MAOB: variants seen among roughly 807,000 people sequenced by gnomAD.
The protein encoded by MAOB is amine oxidase [flavin-containing] B.
Under a neutral mutation model 41.9 loss-of-function variants are expected in MAOB, and 15 were observed. That is an observed-to-expected ratio of 0.36 (90% confidence interval 0.24 to 0.55). The LOEUF (loss-of-function observed/expected upper bound fraction) is 0.55. MAOB is among the 20% of genes least tolerant of loss of function. MAOB has a pLI of 0.86. For missense variants in MAOB, 345 were observed against 398.7 expected (o/e 0.87, Z 1.15); for synonymous variants, 167 against 144.2 (o/e 1.16, Z -1.13).
chrX:43,776,109 C>T (rs1008273047), intron 11 of MAOB, among the ~76,000 whole-genome samples: 1 of 112,162 alleles, frequency 8.9e-6, no homozygotes, highest in Non-Finnish European at 1.9e-5. Context: ...CCACGCTACA[C>T]GCCCCAGCAC....
rs1555968517 is a variant in MAOB, at chrX:43,857,168, A to AAGAAGAG, written c.47-13405_47-13404insCTCTTCT. ...AGAGAGAGAGAGAGAGAGAGAGAAG[A>AAGAAGAG]AGAGAGAGAGAGAGAGAGAGAGAGA... On this transcript the variant is annotated intron_variant, in intron 1 of 14. Transcript: ENST00000378069. 4.8e-4 allele frequency among the ~76,000 whole-genome samples: 12 copies of AAGAAGAG among 24,867 alleles called. No homozygotes were observed. The South Asian group carries it at 0.03, about 62-fold the overall frequency. 21.6% of individuals were successfully genotyped at this position (24,867 alleles called of 115,157 possible).
At chrX:43,862,855 C>A (rs1473161338) in intron 1 of MAOB, among the ~76,000 whole-genome samples, 1 of 110,898 alleles carries the variant, frequency 9.0e-6, no homozygotes, top group Non-Finnish European at 1.9e-5. Flanking sequence ...AACCACAAGT[C>A]AAAAAAATGA....
intron 3 of MAOB, among the ~76,000 whole-genome samples, chrX:43,814,218 C>T: frequency 9.0e-6 from 1 of 110,738 alleles, no homozygotes; most frequent in Non-Finnish European, 1.9e-5. Context: ...AATTCAAGCT[C>T]CTGTGCCTGG....
intron 5 of MAOB, among the ~76,000 whole-genome samples, chrX:43,801,859 A>G (rs879112464): frequency 8.9e-6 from 1 of 112,816 alleles, no homozygotes; most frequent in Non-Finnish European, 1.9e-5. Context: ...TATATCAACA[A>G]CTTAATAAAT....
At chrX:43,847,927 G>T (rs2035220024) in intron 1 of MAOB, among the ~76,000 whole-genome samples, 1 of 111,905 alleles carries the variant, frequency 8.9e-6, no homozygotes, top group African/African-American at 3.3e-5. Context: ...CACAAATAAT[G>T]GTAGACTAAT....
chrX:43,771,134 A>G (rs2034176938), intron 12 of MAOB, among the ~76,000 whole-genome samples: 1 of 111,920 alleles, frequency 8.9e-6, no homozygotes, highest in Non-Finnish European at 1.9e-5. Flanking sequence ...ACAAGGAGAG[A>G]TATTATATAG....
At chrX:43,788,990 T>G (rs2034432824) in intron 8 of MAOB, among the ~76,000 whole-genome samples, 1 of 111,363 alleles carries the variant, frequency 9.0e-6, no homozygotes, top group South Asian at 3.8e-4. Flanking sequence ...CTTTTCAGAT[T>G]TTGGAATTCT....
chrX:43,841,888 T>C (rs995398396), intron 2 of MAOB, among the ~76,000 whole-genome samples: 3 of 111,800 alleles, frequency 2.7e-5, no homozygotes, highest in Non-Finnish European at 5.6e-5. Flanking sequence ...CCTTATCTTA[T>C]ACCATATGCA....
At chrX:43,847,971 C>G in intron 1 of MAOB, among the ~76,000 whole-genome samples, 1 of 112,519 alleles carries the variant, frequency 8.9e-6, no homozygotes, top group East Asian at 2.8e-4. Flanking sequence ...AATATTGCAT[C>G]TCTCTTCTGA....
intron 1 of MAOB, among the ~76,000 whole-genome samples, chrX:43,848,155 A>G (rs2035222946): frequency 9.0e-6 from 1 of 111,491 alleles, no homozygotes; most frequent in Admixed American, 9.6e-5. Flanking sequence ...ACTGGGAAAT[A>G]CACAGTGGCA....
intron 1 of MAOB, among the ~76,000 whole-genome samples, chrX:43,852,220 A>T (rs1007521062): frequency 3.6e-5 from 4 of 112,156 alleles, no homozygotes; most frequent in African/African-American, 1.3e-4. Context: ...CTGAGATTTC[A>T]TTACAGAGGT....
At chrX:43,769,862 T>C (rs2034159465) in intron 12 of MAOB, among the ~76,000 whole-genome samples, 1 of 111,556 alleles carries the variant, frequency 9.0e-6, no homozygotes, top group Non-Finnish European at 1.9e-5. Context: ...AAGGGAATGG[T>C]CCACTGATTT....
chrX:43,790,925 A>G (rs1386667740), intron 8 of MAOB, among the ~76,000 whole-genome samples: 1 of 111,709 alleles, frequency 9.0e-6, no homozygotes, highest in Non-Finnish European at 1.9e-5. Flanking sequence ...GTTTCTCTCC[A>G]TAAATAAAGG....
intron 5 of MAOB, among the ~76,000 whole-genome samples, chrX:43,801,011 G>A (rs1041687808): frequency 4.6e-5 from 5 of 109,786 alleles, no homozygotes; most frequent in African/African-American, 9.9e-5. Context: ...TGATTCTGCC[G>A]ATCTTCTACT....
At chrX:43,815,723 T>C (rs894094450) in intron 3 of MAOB, among the ~76,000 whole-genome samples, 1 of 111,855 alleles carries the variant, frequency 8.9e-6, no homozygotes, top group African/African-American at 3.3e-5. Context: ...ACACCAAGTG[T>C]TGGTGAAGTA....
At chrX:43,770,283 G>T (rs948532898) in intron 12 of MAOB, among the ~76,000 whole-genome samples, 4 of 111,537 alleles carry the variant, frequency 3.6e-5, no homozygotes, top group Admixed American at 9.5e-5. Context: ...TCTAGTTCTG[G>T]AACTTCCTCT....
At chrX:43,768,768 C>G in intron 13 of MAOB, 52 bp from the exon 14 acceptor site, 3 of 1,004,372 alleles carry the variant, frequency 3.0e-6, no homozygotes. Flanking sequence ...CATCTTTCTT[C>G]TAATCTGCTC....
intron 3 of MAOB, among the ~76,000 whole-genome samples, chrX:43,822,872 A>G (rs2205655): frequency 0.013 from 1,420 of 111,297 alleles, 14 homozygotes; most frequent in Middle Eastern, 0.023. Flanking sequence ...CAGTATCATC[A>G]TGATCATTAC....
chrX:43,790,756 T>G (rs1459635846), intron 8 of MAOB, among the ~76,000 whole-genome samples: 3 of 110,557 alleles, frequency 2.7e-5, no homozygotes, highest in Admixed American at 1.9e-4. Flanking sequence ...CCACAATCAT[T>G]TTTTAAAAGT....
Sources: gnomAD v4.1 joint callset for allele counts (sites outside exome capture counted in the v4.1 genomes callset) on GRCh38, gnomAD v4.1.1 for gene constraint, MANE v1.5 for transcripts, NCBI Gene and HGNC (gene_info 2026-07-23, HGNC 2026-07-21) for gene names.